The following PREX1 variants were observed in gnomAD, a reference collection of about 807,000 sequenced individuals.
The protein encoded by PREX1 is phosphatidylinositol-3,4,5-trisphosphate dependent Rac exchange factor 1.
Under a neutral mutation model 198.3 loss-of-function variants are expected in PREX1, and 41 were observed. The observed-to-expected ratio is 0.21, with a 90% CI of 0.16 to 0.27. The LOEUF is 0.27. Among genes scored for constraint, PREX1 ranks in the 10% least tolerant of loss-of-function variants. The probability of loss-of-function intolerance (pLI) is 1.00; values close to 1 mark genes in which losing one functional copy is unlikely to be tolerated. For synonymous variants in PREX1, 843 were observed against 887.2 expected (o/e 0.95, Z 0.89); for missense variants, 1,620 against 2,200.7 (o/e 0.74, Z 5.28).
chr20:48,629,191 T>G (rs559577211), intron 37 of PREX1, among the ~76,000 whole-genome samples: 2 of 152,278 alleles, frequency 1.3e-5, no homozygotes, highest in East Asian at 3.9e-4. Context: ...CCGGCGGAAC[T>G]ACAGGGCACA....
chr20:48,771,893 T>A (rs1047858861), intron 1 of PREX1, among the ~76,000 whole-genome samples: 11 of 152,066 alleles, frequency 7.2e-5, no homozygotes, highest in Admixed American at 7.2e-4. Flanking sequence ...TTGATTTTCC[T>A]CTAAAAATGA....
intron 1 of PREX1, among the ~76,000 whole-genome samples, chr20:48,795,047 T>C (rs1179314650): frequency 6.6e-6 from 1 of 152,154 alleles, no homozygotes; most frequent in East Asian, 1.9e-4. Context: ...CTTGCGTCCT[T>C]ATCCTCAGTC....
chr20:48,815,598 G>A (rs1211139546), intron 1 of PREX1, among the ~76,000 whole-genome samples: 7 of 152,200 alleles, frequency 4.6e-5, no homozygotes, highest in African/African-American at 1.7e-4. Context: ...AAGCAGTCAG[G>A]CATCTGTCCC....
chr20:48,634,102 G>GGATGGA (rs1568791760), intron 33 of PREX1, among the ~76,000 whole-genome samples: 4 of 125,750 alleles, frequency 3.2e-5, no homozygotes, highest in African/African-American at 1.1e-4. Flanking sequence ...ATGGATGGAT[G>GGATGGA]CATGGATGCC....
chr20:48,663,908 G>GCACA (rs929076233), intron 15 of PREX1, among the ~76,000 whole-genome samples: 1 of 143,924 alleles, frequency 6.9e-6, no homozygotes, highest in African/African-American at 2.9e-5. Flanking sequence ...GTGTGAGTGC[G>GCACA]CGCACACACA....
chr20:48,691,136 C>G lies in PREX1; in HGVS notation c.1037-40G>C. The G allele has an allele frequency of 6.2e-7, 1 of 1,613,468 alleles. No individual in the cohort carries two copies. The highest frequency in any genetic ancestry group is 8.5e-7 in the Non-Finnish European group (1 of 1,179,576). On this transcript the variant is annotated intron_variant, in intron 8 of 39. Coordinates refer to ENST00000371941, the MANE Select transcript of PREX1 (RefSeq NM_020820.4). The surrounding 1 kb of genome is among the most constrained non-coding windows in gnomAD (Gnocchi z 5.0). ...AGGCAAAGGTGCAGCAGAGACTCAG[C>G]CGCGTGACCTTCAACACTCCCCATT...
the PREX1 span, among the ~76,000 whole-genome samples, chr20:48,888,026 T>A: frequency 6.6e-6 from 1 of 152,302 alleles, no homozygotes; most frequent in Non-Finnish European, 1.5e-5. Flanking sequence ...GGGTCACACC[T>A]GTTGTATTAG....
chr20:48,865,864 G>T, the PREX1 span, among the ~76,000 whole-genome samples: 1 of 152,238 alleles, frequency 6.6e-6, no homozygotes, highest in Admixed American at 6.5e-5. Context: ...TGGATAATGG[G>T]CTATTACCTC....
At chr20:48,740,470 G>C (rs1307885175) in intron 3 of PREX1, among the ~76,000 whole-genome samples, 1 of 152,232 alleles carries the variant, frequency 6.6e-6, no homozygotes, top group Non-Finnish European at 1.5e-5. Flanking sequence ...TTGCCCACTT[G>C]CTGCAATTGT....
intron 16 of PREX1, among the ~76,000 whole-genome samples, chr20:48,658,793 G>A (rs1491000009): frequency 6.6e-6 from 1 of 152,136 alleles, no homozygotes; most frequent in Non-Finnish European, 1.5e-5. Flanking sequence ...ACGGCAAGGG[G>A]GCAGAGAAGG....
At chr20:48,879,552 T>G in the PREX1 span, among the ~76,000 whole-genome samples, 1 of 152,280 alleles carries the variant, frequency 6.6e-6, no homozygotes, top group South Asian at 2.1e-4. Flanking sequence ...CAGGGCCTCC[T>G]GTATTCTGTT....
intron 4 of PREX1, among the ~76,000 whole-genome samples, chr20:48,730,600 G>C (rs1010448659): frequency 1.3e-5 from 2 of 152,098 alleles, no homozygotes; most frequent in African/African-American, 2.4e-5. Flanking sequence ...AATGTTCTTC[G>C]ATCTTGGTGG....
chr20:48,865,810 T>C, the PREX1 span, among the ~76,000 whole-genome samples: 1 of 152,178 alleles, frequency 6.6e-6, no homozygotes, highest in Admixed American at 6.5e-5. Flanking sequence ...AGCTGTATAA[T>C]AATTATTGTG....
rs2122964885 is a variant in PREX1, at chr20:48,666,244, C to T, written c.1738+39G>A. 2 of 1,524,744 alleles carry T rather than the reference C, an allele frequency of 1.3e-6. No homozygotes were observed. The highest frequency in any genetic ancestry group is 2.0e-5 in the Admixed American group (1 of 51,168). 94.5% of individuals were successfully genotyped at this position (1,524,744 alleles called of 1,614,324 possible). A position where few individuals can be genotyped will look rare whatever the true frequency, so the allele number is the denominator to read the frequency against. On this transcript the variant is annotated intron_variant, in intron 15 of 39. Transcript: ENST00000371941. The surrounding 1 kb of genome is among the most constrained non-coding windows in gnomAD (Gnocchi z 4.3). The stretch of plus-strand genomic sequence containing the variant: ...CCCCCAAACCATCAGCTCCAGGGAG[C>T]AAGGTCCCGGGGGCTGGGCTGCAGG...
chr20:48,885,175 A>C, the PREX1 span, among the ~76,000 whole-genome samples: 1 of 152,334 alleles, frequency 6.6e-6, no homozygotes, highest in South Asian at 2.1e-4. Flanking sequence ...ACTAGCCACT[A>C]TCATCATCAT....
chr20:48,869,411 G>A, the PREX1 span, among the ~76,000 whole-genome samples: 3,968 of 151,932 alleles, frequency 0.026, 200 homozygotes, highest in African/African-American at 0.091. Flanking sequence ...CTGTCCTCCT[G>A]CTTTGGCCTC....
chr20:48,844,072 C>T, the PREX1 span, among the ~76,000 whole-genome samples: 1 of 151,722 alleles, frequency 6.6e-6, no homozygotes, highest in Non-Finnish European at 1.5e-5. Flanking sequence ...TCTGGGAGGT[C>T]GAGGCTGCAG....
chr20:48,668,888 C>T (rs915408795), intron 14 of PREX1, among the ~76,000 whole-genome samples: 7 of 152,152 alleles, frequency 4.6e-5, no homozygotes, highest in South Asian at 2.1e-4. Flanking sequence ...ATGGGAGGCC[C>T]GGCAGGCAGC....
chr20:48,726,493 C>T (rs1327021249), intron 4 of PREX1, 102 bp from the exon 5 acceptor site: 1 of 824,166 alleles, frequency 1.2e-6, no homozygotes, highest in Non-Finnish European at 2.0e-6. Flanking sequence ...GCTACAATCA[C>T]TTGGCAAGCG....
Sources: gnomAD v4.1 joint callset for allele counts (sites outside exome capture counted in the v4.1 genomes callset) on GRCh38, gnomAD v4.1.1 for gene constraint, Gnocchi (gnomAD v3.1) non-coding constraint, MANE v1.5 for transcripts, NCBI Gene and HGNC (gene_info 2026-07-23, HGNC 2026-07-21) for gene names.